Variants in SNX29 observed in about 807,000 individuals in gnomAD.
The protein encoded by SNX29 is sorting nexin 29.
A neutral mutation model predicts 102.1 loss-of-function variants in SNX29; 78 were observed. The ratio of observed to expected loss-of-function variants is 0.76; its 90% confidence interval spans 0.64 to 0.92. SNX29 has a LOEUF of 0.92. SNX29 is among the 40% of genes least tolerant of loss of function. The probability of loss-of-function intolerance (pLI) is 0.00; values close to 1 mark genes in which losing one functional copy is unlikely to be tolerated. For missense variants in SNX29, 1,280 were observed against 1,061.7 expected (o/e 1.21, Z -2.86); for synonymous variants, 580 against 414.5 (o/e 1.40, Z -4.85).
chr16:12,363,626 G>C (rs968376403), intron 16 of SNX29, among the ~76,000 whole-genome samples: 2 of 152,182 alleles, frequency 1.3e-5, no homozygotes, highest in Non-Finnish European at 2.9e-5. Context: ...GCATGTAGTA[G>C]GTGCTCAGTA....
chr16:12,207,066 G>C (rs1331618362), intron 14 of SNX29, among the ~76,000 whole-genome samples: 1 of 152,022 alleles, frequency 6.6e-6, no homozygotes, highest in Admixed American at 6.6e-5. Flanking sequence ...AGGTACCATT[G>C]AGTTAAGACC....
chr16:12,428,834 T>C (rs1328917639), intron 18 of SNX29, among the ~76,000 whole-genome samples: 1 of 152,206 alleles, frequency 6.6e-6, no homozygotes, highest in African/African-American at 2.4e-5. Context: ...CAACACATAA[T>C]ATATGAGTGC....
intron 18 of SNX29, among the ~76,000 whole-genome samples, chr16:12,439,017 G>C (rs1341894087): frequency 6.6e-6 from 1 of 152,234 alleles, no homozygotes; most frequent in Non-Finnish European, 1.5e-5. Context: ...CTTCCATCGT[G>C]GTTGCACATG....
intron 15 of SNX29, among the ~76,000 whole-genome samples, chr16:12,278,642 G>A (rs1016741851): frequency 1.6e-4 from 24 of 147,542 alleles, no homozygotes; most frequent in East Asian, 3.9e-4. Flanking sequence ...GTTTTTATAC[G>A]TCTCTATCTT....
chr16:12,230,301 T>G (rs1425350105), intron 14 of SNX29, among the ~76,000 whole-genome samples: 2 of 152,168 alleles, frequency 1.3e-5, no homozygotes, highest in African/African-American at 4.8e-5. Context: ...GGGCAAAGAG[T>G]CAAGCCATGA....
chr16:12,521,841 G>A (rs542806432), intron 19 of SNX29, among the ~76,000 whole-genome samples: 141 of 152,328 alleles, frequency 9.3e-4, no homozygotes, highest in Non-Finnish European at 1.8e-3. Context: ...GGAGGACCCT[G>A]GGACAACCTT....
chr16:12,425,534 AAAAAAAAAAATAAAAAAAAT>A (rs2085031955), intron 18 of SNX29, among the ~76,000 whole-genome samples: 1 of 107,590 alleles, frequency 9.3e-6, no homozygotes, highest in Non-Finnish European at 2.2e-5. Context: ...AGAGTTAAAA[AAAAAAAAAAATAAAAAAAAT>A]AAAAAGAGGG....
chr16:12,552,665 G>A (rs573830871), intron 20 of SNX29, among the ~76,000 whole-genome samples: 7 of 152,236 alleles, frequency 4.6e-5, no homozygotes, highest in Non-Finnish European at 1.0e-4. Context: ...GGAGACCCAG[G>A]CCATGCAGGG....
At chr16:12,351,143 T>TGCA (rs2081981214) in intron 15 of SNX29, among the ~76,000 whole-genome samples, 1 of 152,224 alleles carries the variant, frequency 6.6e-6, no homozygotes, top group Non-Finnish European at 1.5e-5. Context: ...ATGCCAGCCC[T>TGCA]GCAGGGGGAT....
chr16:12,314,480 G>A (rs2080667421), intron 15 of SNX29, among the ~76,000 whole-genome samples: 1 of 152,196 alleles, frequency 6.6e-6, no homozygotes, highest in Admixed American at 6.5e-5. Context: ...GAGTTCCCTA[G>A]CCTTTCTCTG....
intron 14 of SNX29, among the ~76,000 whole-genome samples, chr16:12,274,538 C>T (rs1387554158): frequency 6.6e-6 from 1 of 150,866 alleles, no homozygotes; most frequent in Non-Finnish European, 1.5e-5. Context: ...TTCTCCCCAC[C>T]TCTTTTTTTT....
chr16:12,516,056 C>G (rs888073103), intron 19 of SNX29, among the ~76,000 whole-genome samples: 8 of 152,252 alleles, frequency 5.3e-5, no homozygotes, highest in African/African-American at 1.9e-4. Context: ...GTGGCCTGCC[C>G]CAACTCCCAT....
chr16:12,469,994 C>T (rs1243961642), intron 18 of SNX29, among the ~76,000 whole-genome samples: 2 of 152,102 alleles, frequency 1.3e-5, no homozygotes, highest in Non-Finnish European at 2.9e-5. Flanking sequence ...GCCTGGGCAA[C>T]AAGGGCAAAA....
At chr16:12,231,422 C>T (rs1028959507) in intron 14 of SNX29, among the ~76,000 whole-genome samples, 3 of 152,158 alleles carry the variant, frequency 2.0e-5, no homozygotes, top group South Asian at 2.1e-4. Flanking sequence ...TATCACAAAG[C>T]CTTTTCTATC....
At chr16:12,398,612 C>G in intron 17 of SNX29, 111 bp downstream of exon 17, 4 of 1,236,596 alleles carry the variant, frequency 3.2e-6, no homozygotes, top group Non-Finnish European at 4.7e-6. Context: ...GAGACCCACA[C>G]AAGGTTGATG....
In SNX29 at chr16:12,306,709, G is replaced by C. The variant is rs1031352516; in HGVS notation, c.1782+28673G>C. On this transcript the variant is annotated intron_variant, in intron 15 of 20. Coordinates refer to ENST00000566228, the MANE Select transcript of SNX29 (RefSeq NM_032167.5). ...CCTGCTGCAGCGGCATGGTCTTTGG[G>C]GATAATATTCAATATTGCTTCCCCA... Among the ~76,000 whole-genome samples the C allele has an allele frequency of 3.9e-5, 6 of 152,336 alleles. No homozygotes were observed. The South Asian group carries it at 1.0e-3, about 26-fold the overall frequency.
intron 19 of SNX29, among the ~76,000 whole-genome samples, chr16:12,480,401 C>T (rs995870069): frequency 1.3e-5 from 2 of 152,168 alleles, no homozygotes; most frequent in African/African-American, 4.8e-5. Flanking sequence ...ATCATAGTCA[C>T]ATTTTTCTCT....
In SNX29 at chr16:11,976,802, G is replaced by T. The variant is rs1046529425; in HGVS notation, c.-5G>T. 3 of 1,378,206 alleles carry T rather than the reference G, an allele frequency of 2.2e-6. No individual in the cohort carries two copies. The highest frequency in any genetic ancestry group is 2.8e-6 in the Non-Finnish European group (3 of 1,065,320). 85.4% of individuals were successfully genotyped at this position (1,378,206 alleles called of 1,614,324 possible). A position where few individuals can be genotyped will look rare whatever the true frequency, so the allele number is the denominator to read the frequency against. On this transcript the variant is annotated 5_prime_UTR_variant, in exon 1 of 21. Coordinates refer to ENST00000566228, the MANE Select transcript of SNX29 (RefSeq NM_032167.5). ...GGCGCAGGCACCGGCCCGGGGAGAG[G>T]CACCATGAGCGGTGAGTGGCGGCCC... is the stretch of plus-strand genomic sequence containing the variant.
At chr16:12,558,851 G>A (rs1598036858) in intron 20 of SNX29, among the ~76,000 whole-genome samples, 3 of 152,316 alleles carry the variant, frequency 2.0e-5, no homozygotes, top group Non-Finnish European at 1.5e-5. Context: ...GCCACAAGAG[G>A]GCCACAGGCA....
Sources: allele counts gnomAD v4.1 joint callset (sites outside exome capture counted in the v4.1 genomes callset), GRCh38; gene constraint gnomAD v4.1.1; transcripts MANE v1.5; gene names NCBI Gene and HGNC (gene_info 2026-07-23, HGNC 2026-07-21).